UNC80: variants seen among roughly 807,000 people sequenced by gnomAD.
The protein encoded by UNC80 is unc-80 subunit of NALCN channel complex.
Under a neutral mutation model 384.6 loss-of-function variants are expected in UNC80, and 164 were observed. The ratio of observed to expected loss-of-function variants is 0.43; its 90% confidence interval spans 0.38 to 0.49. UNC80 has a LOEUF of 0.49. Among genes scored for constraint, UNC80 ranks in the 20% least tolerant of loss-of-function variants. UNC80 has a pLI of 0.00. For missense variants in UNC80, 3,330 were observed against 4,143.0 expected (o/e 0.80, Z 5.39); for synonymous variants, 1,486 against 1,527.8 (o/e 0.97, Z 0.64).
chr2:209,964,238 G>A (rs1465795851), intron 51 of UNC80, among the ~76,000 whole-genome samples: 2 of 149,396 alleles, frequency 1.3e-5, no homozygotes, highest in Non-Finnish European at 3.0e-5. Flanking sequence ...TGCATCAGTG[G>A]ATCTGTGCAG....
At chr2:209,906,989 C>G (rs1322795806) in intron 29 of UNC80, among the ~76,000 whole-genome samples, 2 of 152,006 alleles carry the variant, frequency 1.3e-5, no homozygotes, top group Non-Finnish European at 2.9e-5. Flanking sequence ...CACTAGGCCT[C>G]TAATCTAACA....
intron 60 of UNC80, among the ~76,000 whole-genome samples, chr2:209,983,655 T>C (rs2093212899): frequency 6.6e-6 from 1 of 152,206 alleles, no homozygotes; most frequent in Non-Finnish European, 1.5e-5. Context: ...TTGAAAGTTT[T>C]ATTTAAATTA....
chr2:209,787,137 T>C (rs897081239), intron 5 of UNC80, among the ~76,000 whole-genome samples: 9 of 111,362 alleles, frequency 8.1e-5, no homozygotes, highest in African/African-American at 1.5e-4. Context: ...TTAACACATA[T>C]ATAAAAACTA....
At chr2:209,807,039 C>A (rs1574521785) in intron 7 of UNC80, among the ~76,000 whole-genome samples, 1 of 152,088 alleles carries the variant, frequency 6.6e-6, no homozygotes, top group Non-Finnish European at 1.5e-5. Flanking sequence ...TTTTGAAATT[C>A]TTTTCTGTCA....
chr2:209,930,660 C>A (rs1299578235), intron 37 of UNC80, among the ~76,000 whole-genome samples: 4 of 152,146 alleles, frequency 2.6e-5, no homozygotes, highest in East Asian at 3.9e-4. Flanking sequence ...ATAGAGTTAA[C>A]TAAATATACA....
chr2:209,929,751 G>A, intron 36 of UNC80, 120 bp from the exon 37 acceptor site: 1 of 656,074 alleles, frequency 1.5e-6, no homozygotes, highest in Non-Finnish European at 2.5e-6. Flanking sequence ...AAAGAAAAAA[G>A]AGTTCACAGA....
chr2:209,990,659 C>T (rs1057471205), intron 61 of UNC80, among the ~76,000 whole-genome samples: 4 of 152,148 alleles, frequency 2.6e-5, no homozygotes, highest in African/African-American at 7.2e-5. Context: ...TTCAAACATG[C>T]CAGCAACATT....
intron 22 of UNC80, among the ~76,000 whole-genome samples, chr2:209,869,464 A>T (rs1480699717): frequency 2.0e-5 from 3 of 152,070 alleles, no homozygotes; most frequent in African/African-American, 7.2e-5. Context: ...CTTACTAATG[A>T]TCTTGGACAT....
intron 15 of UNC80, among the ~76,000 whole-genome samples, chr2:209,830,647 A>G (rs1472537952): frequency 1.3e-5 from 2 of 152,198 alleles, no homozygotes; most frequent in Non-Finnish European, 2.9e-5. Flanking sequence ...GGAGCTGCCC[A>G]TGCCCTTTGT....
At chr2:209,778,527 A>G (rs1203797189) in intron 4 of UNC80, among the ~76,000 whole-genome samples, 1 of 152,256 alleles carries the variant, frequency 6.6e-6, no homozygotes, top group Non-Finnish European at 1.5e-5. Context: ...ATTACATGGA[A>G]ACCAGTTATC....
rs1553556926 is a variant in UNC80 at position 209,866,527 on chromosome 2, C to CACAT, written c.3628-6228_3628-6227insTACA. ...ACACACACACACACACACACACACA[C>CACAT]ACACACAGAGAGAGAGAGAGAGAGA... On this transcript the variant is annotated intron_variant, in intron 22 of 64. Coordinates refer to ENST00000673920, the MANE Select transcript of UNC80 (RefSeq NM_001371986.1). Among the ~76,000 whole-genome samples, 496 of 90,950 alleles carry CACAT rather than the reference C, an allele frequency of 5.5e-3. 7 individuals are homozygous for CACAT. The highest frequency in any genetic ancestry group is 8.6e-3 in the African/African-American group (187 of 21,790). The allele number at this position is 90,950 out of a possible 152,430, so 59.7% of individuals were successfully genotyped here.
intron 22 of UNC80, among the ~76,000 whole-genome samples, chr2:209,857,025 G>T (rs1357244575): frequency 2.6e-5 from 4 of 151,880 alleles, no homozygotes; most frequent in Non-Finnish European, 5.9e-5. Flanking sequence ...CCTGACCTTA[G>T]GTAATCCACC....
intron 43 of UNC80, among the ~76,000 whole-genome samples, chr2:209,940,994 C>T (rs1180692771): frequency 1.3e-5 from 2 of 152,292 alleles, no homozygotes; most frequent in African/African-American, 4.8e-5. Flanking sequence ...AATGCCTGCT[C>T]TGCCTTACCC....
At chr2:209,804,544 G>A (rs142894680) in intron 7 of UNC80, among the ~76,000 whole-genome samples, 17 of 152,018 alleles carry the variant, frequency 1.1e-4, no homozygotes, top group Admixed American at 3.3e-4. Context: ...AACTTTGTGG[G>A]TTCACTGTGA....
intron 26 of UNC80, among the ~76,000 whole-genome samples, chr2:209,890,718 G>C (rs2086252064): frequency 6.6e-6 from 1 of 152,170 alleles, no homozygotes; most frequent in Non-Finnish European, 1.5e-5. Context: ...ACTGCATTGC[G>C]ATGTTGAAAA....
chr2:209,921,617 G>C lies in UNC80; in HGVS notation c.5461G>C (p.Ala1821Pro). The change falls in exon 34 of 65, where the codon GCC becomes CCC. Residue 1821 changes from alanine to proline, a missense_variant. Physicochemically the swap from Ala to Pro is conservative, Grantham distance 27. Transcript: ENST00000673920. ...TGGTAGAGAAGCCAGCCTCATCACTGCCATCCCCATCACCCAGGAGGCTTG... is the reference window on the plus strand; with the variant it reads ...TGGTAGAGAAGCCAGCCTCATCACTCCCATCCCCATCACCCAGGAGGCTTG... ...RLGREASLIT[A>P]IPITQEACYE... The C allele has an allele frequency of 6.4e-7, 1 of 1,551,678 alleles. No homozygotes were observed. Among genetic ancestry groups the C allele is most frequent in the Non-Finnish European group, 8.7e-7 (1 of 1,146,978 alleles).
chr2:209,792,433 C>T (rs1207049783), intron 6 of UNC80, among the ~76,000 whole-genome samples: 7 of 152,176 alleles, frequency 4.6e-5, no homozygotes, highest in South Asian at 2.1e-4. Flanking sequence ...CTGAAAGCTC[C>T]GCCTCCCGGG....
At position 209,917,832 on chromosome 2, in the gene UNC80, G is replaced by A; in HGVS notation, c.5085G>A (p.Leu1695=). ...TGCCTGAGGCCGTGTCCGACATGCT[G>A]ATGTCAGAGTTCCACCACCCGGAGA... is the stretch of plus-strand genomic sequence containing the variant. ...VKVPEAVSDM[L]MSEFHHPETV... Residue 1695 remains leucine (L), a synonymous_variant, in exon 32 of 65, where the codon CTG becomes CTA. Coordinates refer to ENST00000673920, the MANE Select transcript of UNC80 (RefSeq NM_001371986.1). 1 of 1,552,104 alleles carries A rather than the reference G, an allele frequency of 6.4e-7. No homozygotes were observed. The highest frequency in any genetic ancestry group is 8.7e-7 in the Non-Finnish European group (1 of 1,147,060).
At chr2:209,927,053 G>A (rs980671264) in intron 36 of UNC80, 67 bp downstream of exon 36, 1 of 1,519,360 alleles carries the variant, frequency 6.6e-7, no homozygotes, top group Non-Finnish European at 8.9e-7. Context: ...AAGACAGTAG[G>A]TTGCTCTTAA....
Sources: allele counts gnomAD v4.1 joint callset (sites outside exome capture counted in the v4.1 genomes callset), GRCh38; gene constraint gnomAD v4.1.1; transcripts MANE v1.5; gene names NCBI Gene and HGNC (gene_info 2026-07-23, HGNC 2026-07-21).